Variants in FHIP1A observed in about 807,000 individuals in gnomAD.
FHIP1A encodes FHF complex subunit HOOK interacting protein 1A.
A neutral mutation model predicts 88.6 loss-of-function variants in FHIP1A; 61 were observed. The ratio of observed to expected loss-of-function variants is 0.69; its 90% CI spans 0.56 to 0.85. FHIP1A has a LOEUF of 0.85. FHIP1A is among the 40% of genes least tolerant of loss of function. The pLI, the probability that FHIP1A is intolerant of heterozygous loss-of-function variation, is 0.00. For missense variants in FHIP1A, 1,154 were observed against 1,273.5 expected, an observed-to-expected ratio of 0.91 and a Z score of 1.43; for synonymous variants, 478 against 496.0, an observed-to-expected ratio of 0.96 and a Z score of 0.48.
intron 1 of FHIP1A, among the ~76,000 whole-genome samples, chr4:151,440,715 C>T (rs143432835): frequency 2.0e-5 from 3 of 152,192 alleles, no homozygotes; most frequent in African/African-American, 7.2e-5. Flanking sequence ...GGGTAACTGG[C>T]CAACTGCCCA....
intron 1 of FHIP1A, among the ~76,000 whole-genome samples, chr4:151,411,303 A>G (rs1183276946): frequency 6.6e-6 from 1 of 151,484 alleles, no homozygotes; most frequent in Non-Finnish European, 1.5e-5. Flanking sequence ...TGGAGGTAAA[A>G]TGAGAAAAAA....
chr4:151,493,023 A>G (rs1056322462), intron 3 of FHIP1A, among the ~76,000 whole-genome samples: 1 of 152,212 alleles, frequency 6.6e-6, no homozygotes, highest in African/African-American at 2.4e-5. Flanking sequence ...CACAAAGGCA[A>G]AAGATAAATG....
intron 3 of FHIP1A, among the ~76,000 whole-genome samples, chr4:151,512,141 C>T (rs1307188392): frequency 6.6e-6 from 1 of 152,030 alleles, no homozygotes; most frequent in Non-Finnish European, 1.5e-5. Flanking sequence ...AAAATCCGCT[C>T]TTCTGCAGCC....
At chr4:151,541,727 C>T (rs1275536956) in intron 3 of FHIP1A, among the ~76,000 whole-genome samples, 1 of 152,110 alleles carries the variant, frequency 6.6e-6, no homozygotes, top group African/African-American at 2.4e-5. Flanking sequence ...ATCAGTGTGC[C>T]TTTATGCTGG....
At chr4:151,503,098 CTAAT>C (rs1553946945) in intron 3 of FHIP1A, among the ~76,000 whole-genome samples, 1 of 152,186 alleles carries the variant, frequency 6.6e-6, no homozygotes, top group Non-Finnish European at 1.5e-5. Context: ...CTTGCGGAGT[CTAAT>C]TAACAAGAGA....
chr4:151,420,697 C>G (rs900402676), intron 1 of FHIP1A, among the ~76,000 whole-genome samples: 6 of 152,212 alleles, frequency 3.9e-5, no homozygotes, highest in African/African-American at 1.4e-4. Flanking sequence ...GAGCCTAACT[C>G]TGTATTTCCA....
At chr4:151,589,565 G>T (rs991714368) in intron 7 of FHIP1A, among the ~76,000 whole-genome samples, 1 of 152,118 alleles carries the variant, frequency 6.6e-6, no homozygotes, top group South Asian at 2.1e-4. Flanking sequence ...GTAAAGAGAC[G>T]TGTGCAGTAT....
At chr4:151,449,970 T>A (rs1728736175) in intron 1 of FHIP1A, among the ~76,000 whole-genome samples, 1 of 152,212 alleles carries the variant, frequency 6.6e-6, no homozygotes, top group Non-Finnish European at 1.5e-5. Context: ...TCTTAAGTTT[T>A]ATCAGCCTTA....
intron 5 of FHIP1A, 30 bp downstream of exon 5, chr4:151,578,106 C>T (rs1302412194): frequency 6.5e-7 from 1 of 1,530,188 alleles, no homozygotes; most frequent in Non-Finnish European, 8.8e-7. Flanking sequence ...ATGTTTTCCA[C>T]TCACTCCCTT....
At position 151,614,066 on chromosome 4, in the gene FHIP1A, G is replaced by A. The variant is rs367628724; in HGVS notation, c.979-15636G>A. Among the ~76,000 whole-genome samples the A allele has an allele frequency of 7.9e-5, 12 of 151,880 alleles. No individual in the cohort carries two copies. The South Asian group carries it at 2.1e-3, about 26-fold the overall frequency. ...TAGTCTGAGCTACTCGGGAGGATGA[G>A]GCACGAGAATCACTTGAACGTAGGA... On this transcript the variant is annotated intron_variant, in intron 7 of 13. Transcript: ENST00000435205.
In FHIP1A at chr4:151,649,782, G is replaced by A. The variant is rs376521688; in HGVS notation, c.1741G>A (p.Asp581Asn). 2 of 1,551,560 alleles carry A rather than the reference G, an allele frequency of 1.3e-6. No individual in the cohort carries two copies. Among genetic ancestry groups the A allele is most frequent in the African/African-American group, 2.7e-5 (2 of 73,050 alleles). The change falls in exon 11 of 14, where the codon GAC becomes AAC. Residue 581 changes from aspartate to asparagine, a missense_variant. Transcript: ENST00000435205. Reference sequence around the variant, plus strand: ...GAGCCAGACAGAGCTGGAATGGGATGACAGCTATGACACTGGAATCTCCTC... The same window carrying A: ...GAGCCAGACAGAGCTGGAATGGGATAACAGCTATGACACTGGAATCTCCTC... ...DKSQTELEWD[D>N]SYDTGISSGA...
At chr4:151,485,836 G>A (rs1016967858) in intron 3 of FHIP1A, among the ~76,000 whole-genome samples, 6 of 152,178 alleles carry the variant, frequency 3.9e-5, no homozygotes, top group South Asian at 2.1e-4. Flanking sequence ...CAATCTGCCC[G>A]CCTTAGCCTC....
At chr4:151,528,605 G>T (rs1190855237) in intron 3 of FHIP1A, among the ~76,000 whole-genome samples, 1 of 152,188 alleles carries the variant, frequency 6.6e-6, no homozygotes, top group Non-Finnish European at 1.5e-5. Flanking sequence ...GCTCCTGCAG[G>T]ATTGATACTG....
intron 1 of FHIP1A, among the ~76,000 whole-genome samples, chr4:151,420,657 C>G (rs1733092590): frequency 6.6e-6 from 1 of 152,186 alleles, no homozygotes; most frequent in African/African-American, 2.4e-5. Flanking sequence ...GTCCTTCTTC[C>G]CAATTAGATT....
intron 1 of FHIP1A, among the ~76,000 whole-genome samples, chr4:151,451,009 C>G (rs2126580300): frequency 6.6e-6 from 1 of 152,172 alleles, no homozygotes; most frequent in South Asian, 2.1e-4. Flanking sequence ...AACTCCTGGC[C>G]TCAAGTGATC....
chr4:151,510,526 A>C (rs1580649265), intron 3 of FHIP1A, among the ~76,000 whole-genome samples: 1 of 152,284 alleles, frequency 6.6e-6, no homozygotes, highest in South Asian at 2.1e-4. Flanking sequence ...CCTTAATGTT[A>C]ACCTCTTACT....
At chr4:151,613,235 G>A (rs1735392561) in intron 7 of FHIP1A, among the ~76,000 whole-genome samples, 1 of 152,218 alleles carries the variant, frequency 6.6e-6, no homozygotes, top group South Asian at 2.1e-4. Flanking sequence ...AAACCCGCTA[G>A]TGCTCATTTG....
intron 3 of FHIP1A, among the ~76,000 whole-genome samples, chr4:151,488,071 C>T (rs1486933947): frequency 1.3e-5 from 2 of 152,206 alleles, no homozygotes; most frequent in Non-Finnish European, 2.9e-5. Flanking sequence ...TTCTCAACTA[C>T]TATAATTGGT....
At chr4:151,607,027 G>T (rs1735100246) in intron 7 of FHIP1A, among the ~76,000 whole-genome samples, 1 of 152,180 alleles carries the variant, frequency 6.6e-6, no homozygotes, top group Non-Finnish European at 1.5e-5. Flanking sequence ...CCCAGCAGTT[G>T]GGGAAGTTGG....
Sources: gnomAD v4.1 joint callset for allele counts (sites outside exome capture counted in the v4.1 genomes callset) on GRCh38, gnomAD v4.1.1 for gene constraint, MANE v1.5 for transcripts, NCBI Gene and HGNC (gene_info 2026-07-23, HGNC 2026-07-21) for gene names.